WWOX: variants seen among roughly 807,000 people sequenced by gnomAD.
WWOX encodes WW domain-containing oxidoreductase.
A neutral mutation model predicts 46.2 loss-of-function variants in WWOX; 69 were observed. The observed-to-expected ratio is 1.49, with a 90% CI of 1.23 to 1.82. WWOX has a LOEUF of 1.82. WWOX is among the 40% of genes most tolerant of loss of function. WWOX has a pLI of 0.00. For synonymous variants in WWOX, 359 were observed against 202.6 expected (o/e 1.77, Z -6.56); for missense variants, 919 against 542.6 (o/e 1.69, Z -6.89).
rs373931517 is a variant in WWOX, at chr16:78,287,315, G to A, written c.517-99545G>A. On this transcript the variant is annotated intron_variant, in intron 5 of 8. Coordinates refer to ENST00000566780, the MANE Select transcript of WWOX (RefSeq NM_016373.4). ...TCTATGACACTCCTTCAATCTTAAT[G>A]TCTGTTGAAATGAACTAGCATCTCA... Among the ~76,000 whole-genome samples, 25 of 152,142 alleles carry A rather than the reference G, an allele frequency of 1.6e-4. No homozygotes were observed. In the East Asian group the frequency reaches 1.9e-3, roughly 12 times the overall value.
intron 5 of WWOX, 150 bp from the exon 6 acceptor site, chr16:78,386,710 T>A: frequency 1.9e-6 from 1 of 530,710 alleles, no homozygotes; most frequent in Non-Finnish European, 3.3e-6. Context: ...GCCCTGTTCT[T>A]CCATTCATTC....
intron 8 of WWOX, among the ~76,000 whole-genome samples, chr16:78,563,616 C>A (rs926399073): frequency 6.6e-6 from 1 of 151,534 alleles, no homozygotes; most frequent in African/African-American, 2.4e-5. Flanking sequence ...CTCTCTTCCA[C>A]CCTGCTGCCT....
rs190375853 is a variant in WWOX, at chr16:79,000,984, A to C, written c.1057-210624A>C. ...AACTATGAGATTCCTAGGGCCTACC[A>C]CCGCCTGGGGTCCAAGAAGAGCTCA... On this transcript the variant is annotated intron_variant, in intron 8 of 8. Coordinates refer to ENST00000566780, the MANE Select transcript of WWOX (RefSeq NM_016373.4). 4.6e-5 allele frequency among the ~76,000 whole-genome samples: 7 copies of C among 152,292 alleles called. No homozygotes were observed. In the East Asian group the frequency reaches 1.4e-3, roughly 29 times the overall value.
intron 8 of WWOX, among the ~76,000 whole-genome samples, chr16:78,753,741 G>T (rs1366225195): frequency 1.4e-5 from 2 of 143,332 alleles, no homozygotes; most frequent in Non-Finnish European, 3.0e-5. Flanking sequence ...AGTCAAGGCT[G>T]TAGTGAGCAA....
chr16:78,600,203 A>C (rs2151615595), intron 8 of WWOX, among the ~76,000 whole-genome samples: 1 of 152,100 alleles, frequency 6.6e-6, no homozygotes, highest in South Asian at 2.1e-4. Flanking sequence ...GTTACGTTCC[A>C]CCGGGGCCCT....
intron 8 of WWOX, among the ~76,000 whole-genome samples, chr16:78,933,158 G>C (rs2045660616): frequency 6.6e-6 from 1 of 152,220 alleles, no homozygotes. Flanking sequence ...CAAGATGTTG[G>C]CCTGGCGTGG....
At chr16:78,101,900 GT>G (rs2031818664) in intron 1 of WWOX, among the ~76,000 whole-genome samples, 1 of 152,138 alleles carries the variant, frequency 6.6e-6, no homozygotes. Context: ...GTGTAGGAGC[GT>G]CCCCACGCAG....
intron 5 of WWOX, among the ~76,000 whole-genome samples, chr16:78,313,992 T>A (rs963592157): frequency 5.3e-5 from 8 of 152,202 alleles, no homozygotes; most frequent in Admixed American, 2.0e-4. Flanking sequence ...TCCTGGCTGT[T>A]CCGCTTTCTA....
At chr16:78,622,127 C>T (rs1225990389) in intron 8 of WWOX, among the ~76,000 whole-genome samples, 4 of 152,100 alleles carry the variant, frequency 2.6e-5, no homozygotes, top group Admixed American at 2.6e-4. Flanking sequence ...TTAGTAAAAC[C>T]TTGAAAAGAT....
intron 8 of WWOX, among the ~76,000 whole-genome samples, chr16:78,460,548 A>G (rs1418486301): frequency 1.3e-5 from 2 of 152,110 alleles, no homozygotes; most frequent in Non-Finnish European, 2.9e-5. Context: ...CCAACACCAT[A>G]CTAGCTCTTC....
chr16:79,017,236 C>T (rs955654744), intron 8 of WWOX: 5 of 151,844 alleles, frequency 3.3e-5, no homozygotes, highest in African/African-American at 1.2e-4. Context: ...GGAGACCATC[C>T]TGGCTAACAC....
chr16:78,929,565 C>T (rs1024163984), intron 8 of WWOX, among the ~76,000 whole-genome samples: 1 of 152,116 alleles, frequency 6.6e-6, no homozygotes. Context: ...CAGTCATTCT[C>T]CTCCCCAAAT....
intron 6 of WWOX, among the ~76,000 whole-genome samples, chr16:78,404,791 T>C (rs1286816170): frequency 6.6e-6 from 1 of 152,164 alleles, no homozygotes; most frequent in Admixed American, 6.5e-5. Flanking sequence ...GCACTTAAAG[T>C]TGATTGTCCA....
At chr16:78,915,450 G>C (rs1306926533) in intron 8 of WWOX, among the ~76,000 whole-genome samples, 2 of 152,158 alleles carry the variant, frequency 1.3e-5, no homozygotes, top group South Asian at 4.1e-4. Flanking sequence ...AATATGACTT[G>C]ATTGTTAGTA....
intron 8 of WWOX, among the ~76,000 whole-genome samples, chr16:79,156,465 T>C (rs2050384096): frequency 6.6e-6 from 1 of 152,180 alleles, no homozygotes; most frequent in African/African-American, 2.4e-5. Flanking sequence ...CCAGCAACAA[T>C]TGCAGTTTTT....
intron 8 of WWOX, among the ~76,000 whole-genome samples, chr16:78,539,214 C>T (rs200671328): frequency 6.6e-6 from 1 of 152,272 alleles, no homozygotes; most frequent in East Asian, 1.9e-4. Flanking sequence ...AATATGTGTT[C>T]AACTGAACTA....
intron 8 of WWOX, among the ~76,000 whole-genome samples, chr16:79,137,230 T>G (rs1258889756): frequency 1.3e-5 from 2 of 152,220 alleles, no homozygotes; most frequent in Non-Finnish European, 2.9e-5. Context: ...GCTCTCTATT[T>G]CCTCGATAGA....
chr16:78,105,837 T>C (rs984623314), intron 1 of WWOX, among the ~76,000 whole-genome samples: 19 of 152,164 alleles, frequency 1.2e-4, no homozygotes, highest in Non-Finnish European at 2.8e-4. Context: ...AGTCTTGCTT[T>C]TTCGCCCAGG....
At chr16:78,942,793 G>C (rs1405384382) in intron 8 of WWOX, among the ~76,000 whole-genome samples, 4 of 152,142 alleles carry the variant, frequency 2.6e-5, no homozygotes, top group Admixed American at 2.6e-4. Context: ...TGAGAAATCC[G>C]TTCATGCACT....
Sources: allele counts gnomAD v4.1 joint callset (sites outside exome capture counted in the v4.1 genomes callset), GRCh38; gene constraint gnomAD v4.1.1; transcripts MANE v1.5; gene names NCBI Gene and HGNC (gene_info 2026-07-23, HGNC 2026-07-21).